Variants in RPH3A observed in about 807,000 individuals in gnomAD.
RPH3A encodes the protein rabphilin 3A, also known as rabphilin-3A.
In RPH3A, 48 loss-of-function variants were observed where a neutral mutation model predicts 102.2. The observed-to-expected ratio is 0.47, with a 90% CI of 0.37 to 0.60. The LOEUF (loss-of-function observed/expected upper bound fraction) is 0.60. Among genes scored for constraint, RPH3A ranks in the 20% least tolerant of loss-of-function variants. The pLI is 0.00. For synonymous variants in RPH3A, 310 were observed against 324.3 expected (o/e 0.96, Z 0.47); for missense variants, 781 against 910.1 (o/e 0.86, Z 1.83).
chr12:112,616,536 C>T (rs2135977586), intron 1 of RPH3A, among the ~76,000 whole-genome samples: 1 of 152,258 alleles, frequency 6.6e-6, no homozygotes. Flanking sequence ...ACAATAATAC[C>T]TTAATTCCAA....
intron 2 of RPH3A, among the ~76,000 whole-genome samples, chr12:112,809,663 TA>T (rs2041534722): frequency 6.6e-6 from 1 of 152,140 alleles, no homozygotes; most frequent in Non-Finnish European, 1.5e-5. Flanking sequence ...AGTACAATTA[TA>T]ACCAGCATTT....
chr12:112,701,204 T>A (rs533412071), intron 1 of RPH3A, among the ~76,000 whole-genome samples: 1 of 151,874 alleles, frequency 6.6e-6, no homozygotes, highest in Admixed American at 6.6e-5. Context: ...CAGGAGGAGA[T>A]GGAGTCGAGA....
At chr12:112,849,061 C>T (rs895742544) in intron 5 of RPH3A, among the ~76,000 whole-genome samples, 2 of 152,144 alleles carry the variant, frequency 1.3e-5, no homozygotes, top group East Asian at 1.9e-4. Flanking sequence ...CTGCTTACAG[C>T]GGATTTGGGC....
intron 1 of RPH3A, among the ~76,000 whole-genome samples, chr12:112,763,941 C>A (rs1178658060): frequency 1.3e-5 from 2 of 152,174 alleles, no homozygotes; most frequent in Non-Finnish European, 2.9e-5. Context: ...TGCTGTCCGT[C>A]CCCTGTCCTG....
chr12:112,713,085 CTTCTTCTTCTTCTTCTTT>C (rs2040490346), intron 1 of RPH3A, among the ~76,000 whole-genome samples: 1 of 126,910 alleles, frequency 7.9e-6, no homozygotes, highest in South Asian at 2.9e-4. Context: ...TCTTCTTCTT[CTTCTTCTTCTTCTTCTTT>C]TATTTTTTTG....
intron 1 of RPH3A, among the ~76,000 whole-genome samples, chr12:112,747,905 C>T (rs1370144734): frequency 6.6e-6 from 1 of 152,192 alleles, no homozygotes; most frequent in African/African-American, 2.4e-5. Flanking sequence ...ATCCTCAACG[C>T]CTGGCAGCCA....
chr12:112,734,333 A>G (rs112783394), intron 1 of RPH3A, among the ~76,000 whole-genome samples: 4 of 152,332 alleles, frequency 2.6e-5, no homozygotes, highest in African/African-American at 9.6e-5. Context: ...AGTCAGCTAT[A>G]CCTCTAGGTT....
At chr12:112,885,479 G>A (rs142097776) in intron 16 of RPH3A, among the ~76,000 whole-genome samples, 2 of 152,116 alleles carry the variant, frequency 1.3e-5, no homozygotes, top group East Asian at 3.9e-4. Context: ...ACATTTTGTG[G>A]TTATTTCATA....
At chr12:112,630,443 C>T (rs1023732826) in intron 1 of RPH3A, among the ~76,000 whole-genome samples, 17 of 152,096 alleles carry the variant, frequency 1.1e-4, no homozygotes, top group Non-Finnish European at 2.5e-4. Context: ...AGCCTGATGC[C>T]GTGGGGGAAC....
intron 1 of RPH3A, among the ~76,000 whole-genome samples, chr12:112,776,796 C>T (rs2040969878): frequency 7.3e-6 from 1 of 137,054 alleles, no homozygotes; most frequent in African/African-American, 2.8e-5. Context: ...ATGGTGTGAA[C>T]CTGGGAGATG....
intron 1 of RPH3A, among the ~76,000 whole-genome samples, chr12:112,636,769 A>G (rs2039851608): frequency 1.3e-5 from 2 of 152,230 alleles, no homozygotes; most frequent in Middle Eastern, 6.8e-3. Context: ...TTGCCATATG[A>G]TCACATTCTC....
chr12:112,850,606 G>A (rs1435971631), intron 5 of RPH3A, among the ~76,000 whole-genome samples: 1 of 152,242 alleles, frequency 6.6e-6, no homozygotes, highest in Non-Finnish European at 1.5e-5. Context: ...CCTGCAGCCA[G>A]CCCTTGCTGG....
intron 1 of RPH3A, among the ~76,000 whole-genome samples, chr12:112,575,650 G>A (rs1592888802): frequency 6.6e-6 from 1 of 152,168 alleles, no homozygotes; most frequent in African/African-American, 2.4e-5. Context: ...GCTCCTCTCC[G>A]GTAGCCACGG....
At chr12:112,672,007 C>T (rs987493307) in intron 1 of RPH3A, among the ~76,000 whole-genome samples, 5 of 149,940 alleles carry the variant, frequency 3.3e-5, no homozygotes, top group Admixed American at 6.7e-5. Context: ...TTTGACTTGC[C>T]TAAAATTTAG....
chr12:112,887,674 G>A, intron 16 of RPH3A, 123 bp from the exon 17 acceptor site: 3 of 1,095,920 alleles, frequency 2.7e-6, no homozygotes, highest in Non-Finnish European at 3.9e-6. Context: ...AAATAAACAG[G>A]AAATCATATT....
intron 2 of RPH3A, among the ~76,000 whole-genome samples, chr12:112,804,461 C>A (rs2041418891): frequency 6.6e-6 from 1 of 152,216 alleles, no homozygotes; most frequent in Non-Finnish European, 1.5e-5. Context: ...AACCACACCC[C>A]TGTGTGTGCC....
intron 1 of RPH3A, among the ~76,000 whole-genome samples, chr12:112,588,158 T>C (rs2039451418): frequency 6.6e-6 from 1 of 152,200 alleles, no homozygotes; most frequent in Non-Finnish European, 1.5e-5. Context: ...CAATAAATAT[T>C]TGTTGAGCAA....
At chr12:112,784,684 A>G (rs929280) in intron 1 of RPH3A, among the ~76,000 whole-genome samples, 9,594 of 152,264 alleles carry the variant, frequency 0.063, 526 homozygotes, top group African/African-American at 0.15. Flanking sequence ...GTCCAGTCTG[A>G]TGGGGGAGCC....
chr12:112,663,593 G>A (rs563715114), intron 1 of RPH3A, among the ~76,000 whole-genome samples: 65 of 152,214 alleles, frequency 4.3e-4, no homozygotes, highest in African/African-American at 1.5e-3. Flanking sequence ...CTGGGCTCAA[G>A]TGATTTTCCT....
Sources: gnomAD v4.1 joint callset for allele counts (sites outside exome capture counted in the v4.1 genomes callset) on GRCh38, gnomAD v4.1.1 for gene constraint, MANE v1.5 for transcripts, NCBI Gene and HGNC (gene_info 2026-07-23, HGNC 2026-07-21) for gene names.